The following OR2T27 variants were observed in gnomAD, a reference collection of about 807,000 sequenced individuals.
The protein encoded by OR2T27 is olfactory receptor family 2 subfamily T member 27, also known as olfactory receptor 2T27.
For synonymous variants in OR2T27, 51 were observed against 152.9 expected, an observed-to-expected ratio of 0.33 and a Z score of 4.92; for missense variants, 152 against 397.2, an observed-to-expected ratio of 0.38 and a Z score of 5.25.
At chr1:248,651,805 G>A (rs1340114947) in intron 1 of OR2T27, among the ~76,000 whole-genome samples, 2 of 60,922 alleles carry the variant, frequency 3.3e-5, no homozygotes, top group African/African-American at 6.0e-5. Flanking sequence ...CACTATCCAG[G>A]GTGGTAGCCA....
chr1:248,653,702 A>T (rs1661069743), intron 1 of OR2T27, among the ~76,000 whole-genome samples: 1 of 85,934 alleles, frequency 1.2e-5, no homozygotes, highest in African/African-American at 2.9e-5. Flanking sequence ...AAAACTCACA[A>T]TATGGATTTG....
Position 248,649,858 on chromosome 1 carries a change from A to G in OR2T27, c.*73T>C, listed in dbSNP as rs555531186. ...TGGGTCACTTGTTTCCAGGCAGAGA[A>G]TATTTAAATTCAAGGGCAATGATAA... On this transcript the variant is annotated 3_prime_UTR_variant, in exon 2 of 2. Transcript: ENST00000460972. The G allele has an allele frequency of 9.7e-7, 1 of 1,029,784 alleles. No homozygotes were observed. The highest frequency in any genetic ancestry group is 1.7e-5 in the African/African-American group (1 of 57,276). The allele number at this position is 1,029,784 out of a possible 1,614,324, so 63.8% of individuals were successfully genotyped here. A position where few individuals can be genotyped will look rare whatever the true frequency, so the allele number is the denominator to read the frequency against.
chr1:248,651,139 A>T (rs1191726705), intron 1 of OR2T27, among the ~76,000 whole-genome samples: 922 of 75,666 alleles, frequency 0.012, no homozygotes, highest in African/African-American at 0.029. Context: ...GTTCATGACC[A>T]TTTATTTCTG....
rs779567708 is a variant in OR2T27, at chr1:248,650,073, T to G, written c.812A>C (p.Asp271Ala). 1.0e-5 allele frequency: 16 copies of G among 1,572,506 alleles called. 2 individuals are homozygous for G. Among genetic ancestry groups the G allele is most frequent in the Non-Finnish European group, 1.2e-5 (14 of 1,153,520 alleles). Reference protein sequence around the residue: ...LPHSYHTPEQDKAVSAFYTIL... With the variant: ...LPHSYHTPEQAKAVSAFYTIL... ...GGTGTAGAAGGCAGATACAGCTTTG[T>G]CCTGCTCAGGGGTGTGGTAAGAATG... Residue 271 changes from aspartate (D) to alanine (A), a missense_variant, in exon 2 of 2, where the codon GAC becomes GCC. Asp to Ala is a moderately radical substitution (Grantham distance 126). Transcript: ENST00000460972.
Position 248,650,089 on chromosome 1 carries a change from G to A in OR2T27, c.796C>T (p.His266Tyr). ...MYTYVLPHSY[H>Y]TPEQDKAVSA... ...ACAGCTTTGTCCTGCTCAGGGGTGT[G>A]GTAAGAATGAGGCAGCACGTATGTG... The change falls in exon 2 of 2, where the codon CAC becomes TAC. Residue 266 changes from histidine (H) to tyrosine (Y), a missense_variant. By Grantham distance (83) the His-to-Tyr change is moderately conservative. Coordinates refer to ENST00000460972, the MANE Select transcript of OR2T27 (RefSeq NM_001001824.2). The A allele has an allele frequency of 1.9e-6, 3 of 1,572,018 alleles. 1 individual carries two copies. The highest frequency in any genetic ancestry group is 2.6e-6 in the Non-Finnish European group (3 of 1,152,708).
In OR2T27 at chr1:248,651,420, T is replaced by A. The variant is rs143758624; in HGVS notation, c.-4-532A>T. On this transcript the variant is annotated intron_variant, in intron 1 of 1. Coordinates refer to ENST00000460972, the MANE Select transcript of OR2T27 (RefSeq NM_001001824.2). Reference sequence around the variant, plus strand: ...GTACATTGTAAAATGAGTACTCAACTTACATGTATCAGGTGGAGTATTGCA... The same window carrying A: ...GTACATTGTAAAATGAGTACTCAACATACATGTATCAGGTGGAGTATTGCA... The A allele has an allele frequency of 4.2e-5, 3 of 71,604 alleles. 1 individual carries two copies. The allele number at this position is 71,604 out of a possible 1,614,324, so 4.4% of individuals were successfully genotyped here.
At chr1:248,651,960 A>ATG (rs1440256646) in intron 1 of OR2T27, among the ~76,000 whole-genome samples, 72 of 149,468 alleles carry the variant, frequency 4.8e-4, no homozygotes, top group African/African-American at 1.7e-3. Context: ...TTTTAGATAT[A>ATG]TTTGGATAAT....
chr1:248,651,667 CA>C (rs58167488), intron 1 of OR2T27: 2 of 70,664 alleles, frequency 2.8e-5, no homozygotes, highest in African/African-American at 5.7e-5. Context: ...TAGTGTATCC[CA>C]AAAAGAAGGG....
chr1:248,650,079 T>G lies in OR2T27; in HGVS notation c.806A>C (p.Glu269Ala), dbSNP rs754424039. The change falls in exon 2 of 2, where the codon GAG becomes GCG. Residue 269 changes from glutamate to alanine, a missense_variant. Physicochemically the swap from Glu to Ala is moderately radical, Grantham distance 107. Coordinates refer to ENST00000460972, the MANE Select transcript of OR2T27 (RefSeq NM_001001824.2). ...GAAGGCAGATACAGCTTTGTCCTGC[T>G]CAGGGGTGTGGTAAGAATGAGGCAG... Reference protein sequence around the residue: ...YVLPHSYHTPEQDKAVSAFYT... With the variant: ...YVLPHSYHTPAQDKAVSAFYT... The G allele has an allele frequency of 3.2e-4, 498 of 1,572,998 alleles. 33 individuals are homozygous for G. Among genetic ancestry groups the G allele is most frequent in the Middle Eastern group, 1.0e-3 (6 of 6,006 alleles).
chr1:248,649,881 T>C lies in OR2T27; in HGVS notation c.*50A>G, dbSNP rs1660960963. Reference sequence around the variant, plus strand: ...GAATATTTAAATTCAAGGGCAATGATAAAGTCTTGTATCCTTCATTTCAAG... The same window carrying C: ...GAATATTTAAATTCAAGGGCAATGACAAAGTCTTGTATCCTTCATTTCAAG... On this transcript the variant is annotated 3_prime_UTR_variant, in exon 2 of 2. Transcript: ENST00000460972. The C allele has an allele frequency of 7.8e-7, 1 of 1,278,616 alleles. No individual in the cohort carries two copies. Among genetic ancestry groups the C allele is most frequent in the South Asian group, 1.2e-5 (1 of 81,498 alleles). The allele number at this position is 1,278,616 out of a possible 1,614,324, so 79.2% of individuals were successfully genotyped here.
chr1:248,653,938 T>G (rs1477085714), intron 1 of OR2T27, among the ~76,000 whole-genome samples: 1 of 60,758 alleles, frequency 1.6e-5, no homozygotes, highest in Non-Finnish European at 5.2e-5. Context: ...ATTTTCATTC[T>G]GTGTGCTGGA....
intron 1 of OR2T27, chr1:248,651,325 C>G (rs185652836): frequency 0.026 from 1,433 of 55,696 alleles, 112 homozygotes; most frequent in African/African-American, 0.04. Context: ...AAGATCACCA[C>G]GAGTATATAT....
rs1660966110 is a variant in OR2T27, at chr1:248,649,998, T to C, written c.887A>G (p.Asp296Gly). 6.3e-7 allele frequency: 1 copy of C among 1,576,420 alleles called. No individual in the cohort carries two copies. Residue 296 changes from aspartate (D) to glycine (G), a missense_variant, in exon 2 of 2, where the codon GAT (aspartate) becomes GGT (glycine). Physicochemically the swap from Asp to Gly is moderately conservative, Grantham distance 94. Transcript: ENST00000460972. Reference protein sequence around the residue: ...NPLIYSLRNKDVTGALQKVVG... With the variant: ...NPLIYSLRNKGVTGALQKVVG... The stretch of plus-strand genomic sequence containing the variant: ...AACCTTCTGTAGGGCCCCTGTGACA[T>C]CCTTGTTCCTAAGGCTGTAAATGAG...
chr1:248,650,429 C>CCCTCCCAGCCAG lies in OR2T27; in HGVS notation c.444_455dup (p.Trp149_Gly152dup), dbSNP rs763161290. On this transcript the variant is annotated inframe_insertion, in exon 2 of 2. Transcript: ENST00000460972. ...GGGTGAGCAAGAAACCATCGATAGA[C>CCCTCCCAGCCAG]CCTCCCAGCCAGGCTGCCGCCACAA... The CCCTCCCAGCCAG allele has an allele frequency of 6.6e-7, 1 of 1,523,920 alleles. No homozygotes were observed. Among genetic ancestry groups the CCCTCCCAGCCAG allele is most frequent in the African/African-American group, 1.4e-5 (1 of 72,034 alleles). The allele number at this position is 1,523,920 out of a possible 1,614,324, so 94.4% of individuals were successfully genotyped here.
At chr1:248,653,779 A>G (rs1410334577) in intron 1 of OR2T27, among the ~76,000 whole-genome samples, 1 of 33,836 alleles carries the variant, frequency 3.0e-5, no homozygotes, top group Non-Finnish European at 8.7e-4. Flanking sequence ...TTTTCTATAT[A>G]TAGGTGATTT....
rs1660966974 is a variant in OR2T27, at chr1:248,650,015, G to A, written c.870C>T (p.Tyr290=). 7.6e-6 allele frequency: 12 copies of A among 1,578,266 alleles called. 3 individuals carry two copies. Among genetic ancestry groups the A allele is most frequent in the Non-Finnish European group, 1.0e-5 (12 of 1,157,788 alleles). The part of the protein sequence containing the change: ...ILTPMLNPLI[Y]SLRNKDVTGA... ...CTGTGACATCCTTGTTCCTAAGGCT[G>A]TAAATGAGTGGATTGAGCATGGGAG... The change falls in exon 2 of 2, where the codon TAC becomes TAT. Residue 290 remains tyrosine (Y), a synonymous_variant. Transcript: ENST00000460972.
At chr1:248,655,384 G>C (rs28611096) in intron 1 of OR2T27, 60 bp downstream of exon 1, 1 of 101,084 alleles carries the variant, frequency 9.9e-6, no homozygotes, top group Non-Finnish European at 2.2e-5. Flanking sequence ...AACTTTCTAG[G>C]AAGTCCAGAA....
intron 1 of OR2T27, among the ~76,000 whole-genome samples, chr1:248,653,860 C>A (rs1271259295): frequency 8.2e-5 from 1 of 12,232 alleles, no homozygotes; most frequent in East Asian, 0.25. Context: ...GCTATTTTGC[C>A]CCCCGAGTTA....
intron 1 of OR2T27, among the ~76,000 whole-genome samples, chr1:248,652,373 T>C (rs570093031): frequency 6.7e-6 from 1 of 148,978 alleles, no homozygotes; most frequent in East Asian, 2.0e-4. Context: ...AGTGACAGTG[T>C]AATTGTTCTA....
Sources: allele counts gnomAD v4.1 joint callset (sites outside exome capture counted in the v4.1 genomes callset), GRCh38; gene constraint gnomAD v4.1.1; transcripts MANE v1.5; gene names NCBI Gene and HGNC (gene_info 2026-07-23, HGNC 2026-07-21).